The following USH2A variants were observed in gnomAD, a reference collection of about 807,000 sequenced individuals.
The protein encoded by USH2A is usherin, also known as Usher syndrome 2A (autosomal recessive, mild).
In USH2A, 443 loss-of-function variants were observed where a neutral mutation model predicts 538.9. The ratio of observed to expected loss-of-function variants is 0.82; its 90% CI spans 0.76 to 0.89. The LOEUF (loss-of-function observed/expected upper bound fraction) is 0.89. Ranked by LOEUF, USH2A falls within the 40% of genes least tolerant of loss-of-function variation. USH2A has a pLI of 0.00. For synonymous variants in USH2A, 2,413 were observed against 2,273.5 expected (o/e 1.06, Z -1.75); for missense variants, 6,633 against 6,324.8 (o/e 1.05, Z -1.65).
chr1:216,045,626 G>A (rs768832962), intron 32 of USH2A, among the ~76,000 whole-genome samples: 15 of 152,140 alleles, frequency 9.9e-5, no homozygotes, highest in Admixed American at 3.3e-4. Flanking sequence ...TGATCCAACT[G>A]GACACTGTGA....
intron 20 of USH2A, among the ~76,000 whole-genome samples, chr1:216,187,952 C>T (rs1315544125): frequency 6.6e-6 from 1 of 151,894 alleles, no homozygotes; most frequent in African/African-American, 2.4e-5. Flanking sequence ...TTTCCCCTCA[C>T]ATATATGAAT....
At chr1:215,826,217 C>T (rs1478510514) in intron 47 of USH2A, among the ~76,000 whole-genome samples, 1 of 152,138 alleles carries the variant, frequency 6.6e-6, no homozygotes, top group Admixed American at 6.6e-5. Flanking sequence ...AGGACAGTGG[C>T]CTTCTGGCAT....
At chr1:216,144,239 G>A (rs753141433) in intron 21 of USH2A, among the ~76,000 whole-genome samples, 9 of 152,044 alleles carry the variant, frequency 5.9e-5, no homozygotes, top group Non-Finnish European at 7.4e-5. Flanking sequence ...GTTTAAATAC[G>A]ACCCTTTTGG....
intron 4 of USH2A, among the ~76,000 whole-genome samples, chr1:216,338,679 A>T (rs1571717015): frequency 6.6e-6 from 1 of 151,752 alleles, no homozygotes; most frequent in East Asian, 1.9e-4. Context: ...AATGCAGATT[A>T]TAAGTGTAAC....
chr1:215,778,346 C>A (rs763595485), intron 55 of USH2A, among the ~76,000 whole-genome samples: 1 of 152,140 alleles, frequency 6.6e-6, no homozygotes, highest in Admixed American at 6.5e-5. Context: ...GCCACCGCAC[C>A]CAGCCTCAAC....
intron 24 of USH2A, among the ~76,000 whole-genome samples, chr1:216,085,369 T>TTTATAA (rs1489697804): frequency 2.0e-5 from 3 of 151,892 alleles, no homozygotes; most frequent in African/African-American, 7.2e-5. Flanking sequence ...CCAGACCAGG[T>TTTATAA]AGAGGTGGCT....
chr1:216,281,509 A>G (rs914107160), intron 11 of USH2A, among the ~76,000 whole-genome samples: 1 of 152,012 alleles, frequency 6.6e-6, no homozygotes, highest in Admixed American at 6.6e-5. Flanking sequence ...TCCTTTCCCT[A>G]CTCTAATTTC....
At chr1:215,658,424 G>A (rs759156375) in intron 64 of USH2A, among the ~76,000 whole-genome samples, 1 of 152,022 alleles carries the variant, frequency 6.6e-6, no homozygotes, top group Non-Finnish European at 1.5e-5. Flanking sequence ...ATCCTATATG[G>A]TTGGTATTAT....
intron 21 of USH2A, among the ~76,000 whole-genome samples, chr1:216,145,951 A>G (rs960882033): frequency 2.0e-5 from 3 of 151,688 alleles, no homozygotes; most frequent in African/African-American, 7.3e-5. Flanking sequence ...CCCTTCGCTG[A>G]CTCTCTTTTC....
At chr1:216,181,717 G>A (rs1257257949) in intron 20 of USH2A, among the ~76,000 whole-genome samples, 1 of 152,010 alleles carries the variant, frequency 6.6e-6, no homozygotes, top group Admixed American at 6.6e-5. Flanking sequence ...TGTAATTATG[G>A]CATCCTTGCT....
chr1:215,667,584 C>T (rs924515056), intron 64 of USH2A, among the ~76,000 whole-genome samples: 6 of 151,990 alleles, frequency 3.9e-5, no homozygotes, highest in Non-Finnish European at 8.8e-5. Context: ...CCTGTAATCC[C>T]AGCTACCAGG....
intron 21 of USH2A, among the ~76,000 whole-genome samples, chr1:216,098,637 A>G (rs1470669510): frequency 6.6e-6 from 1 of 152,170 alleles, no homozygotes; most frequent in African/African-American, 2.4e-5. Flanking sequence ...CGTTTTTTCA[A>G]CATACATCTA....
intron 51 of USH2A, among the ~76,000 whole-genome samples, chr1:215,789,040 C>T (rs1347019561): frequency 6.6e-6 from 1 of 152,024 alleles, no homozygotes; most frequent in Non-Finnish European, 1.5e-5. Context: ...TGTAAAAATC[C>T]CATGGTGATC....
At chr1:216,222,716 C>T (rs1488627303) in intron 14 of USH2A, among the ~76,000 whole-genome samples, 4 of 152,110 alleles carry the variant, frequency 2.6e-5, no homozygotes, top group African/African-American at 4.8e-5. Flanking sequence ...CGGTGGCTCA[C>T]GCCTGTAATC....
chr1:215,771,132 A>C (rs962936993), intron 55 of USH2A, among the ~76,000 whole-genome samples: 18 of 151,290 alleles, frequency 1.2e-4, no homozygotes, highest in African/African-American at 3.9e-4. Context: ...TGCCTAAAAA[A>C]AAAAAGAAAG....
chr1:215,813,067 T>C (rs1250691613), intron 49 of USH2A, among the ~76,000 whole-genome samples: 4 of 152,218 alleles, frequency 2.6e-5, no homozygotes, highest in Non-Finnish European at 5.9e-5. Context: ...AAGTCTTCAA[T>C]ACAGAGCCTG....
At position 215,850,912 on chromosome 1, in the gene USH2A, C is replaced by T. The variant is rs1294272438; in HGVS notation, c.8846-4879G>A. Among the ~76,000 whole-genome samples, 4 of 152,196 alleles carry T rather than the reference C, an allele frequency of 2.6e-5. No homozygotes were observed. The East Asian group carries it at 5.8e-4, about 22-fold the overall frequency. ...AAGAACACTCAAAATGATGCCAATA[C>T]ATGGAAATTAAATAATCTGCTCCTG... On this transcript the variant is annotated intron_variant, in intron 44 of 71. Transcript: ENST00000307340.
chr1:215,973,660 T>C (rs1397854885), intron 35 of USH2A, among the ~76,000 whole-genome samples: 447 of 142,174 alleles, frequency 3.1e-3, no homozygotes, highest in Non-Finnish European at 3.9e-3. Context: ...CTTCTTCTTT[T>C]TTTTTTTTTT....
intron 8 of USH2A, 134 bp from the exon 9 acceptor site, chr1:216,322,110 T>G (rs2037625674): frequency 1.2e-6 from 1 of 863,768 alleles, no homozygotes; most frequent in South Asian, 1.4e-5. Flanking sequence ...CAAAATCAGT[T>G]TCTCCTTAAT....
Sources: allele counts gnomAD v4.1 joint callset (sites outside exome capture counted in the v4.1 genomes callset), GRCh38; gene constraint gnomAD v4.1.1; transcripts MANE v1.5; gene names NCBI Gene and HGNC (gene_info 2026-07-23, HGNC 2026-07-21).